The following SCTR variants were observed in gnomAD, a reference collection of about 807,000 sequenced individuals.
SCTR encodes pancreatic secretin receptor.
SCTR carries 56 observed loss-of-function variants against 60.8 expected under a neutral mutation model. The ratio of observed to expected loss-of-function variants is 0.92; its 90% CI spans 0.74 to 1.15. The LOEUF is 1.15. Ranked by LOEUF, SCTR falls within the 50% of genes most tolerant of loss-of-function variation. The pLI is 0.00. For synonymous variants in SCTR, 202 were observed against 217.0 expected, an observed-to-expected ratio of 0.93 and a Z score of 0.61; for missense variants, 562 against 550.4, an observed-to-expected ratio of 1.02 and a Z score of -0.21.
intron 1 of SCTR, among the ~76,000 whole-genome samples, chr2:119,501,139 C>T (rs1031273614): frequency 2.0e-5 from 3 of 152,114 alleles, no homozygotes; most frequent in Non-Finnish European, 2.9e-5. Context: ...GGCCAGGCAT[C>T]GTGGCTCATG....
intron 9 of SCTR, 152 bp from the exon 10 acceptor site, chr2:119,448,932 C>G: frequency 1.6e-6 from 1 of 612,122 alleles, no homozygotes; most frequent in Admixed American, 2.6e-5. Flanking sequence ...TCCATCCCCT[C>G]CCCACCCCCA....
chr2:119,441,647 C>T lies in SCTR; in HGVS notation c.1141-48G>A, dbSNP rs562567738. ...AGGGTTAGCACAGGTGCTCAGCATG[C>T]GGCCTGAACCAGCTGGCCAGCTGCA... is the stretch of plus-strand genomic sequence containing the variant. On this transcript the variant is annotated intron_variant, in intron 11 of 12. Transcript: ENST00000019103. 4.5e-4 allele frequency: 700 copies of T among 1,562,474 alleles called. 11 individuals are homozygous for T. The South Asian group carries it at 7.6e-3, about 17-fold the overall frequency.
chr2:119,491,302 G>A (rs1252066654), intron 2 of SCTR, among the ~76,000 whole-genome samples: 1 of 152,150 alleles, frequency 6.6e-6, no homozygotes, highest in Admixed American at 6.5e-5. Flanking sequence ...AAGGGATGAT[G>A]AGCCCCTGTG....
intron 1 of SCTR, among the ~76,000 whole-genome samples, chr2:119,502,904 C>T (rs368680758): frequency 2.8e-4 from 43 of 151,244 alleles, no homozygotes; most frequent in Middle Eastern, 3.2e-3. Context: ...GCACTTTCAG[C>T]ACTTTGAGAG....
chr2:119,499,456 A>C (rs989151456), intron 1 of SCTR, among the ~76,000 whole-genome samples: 4 of 152,108 alleles, frequency 2.6e-5, no homozygotes, highest in African/African-American at 9.6e-5. Context: ...CAAGCAGATC[A>C]TGTTGTGGGC....
intron 1 of SCTR, among the ~76,000 whole-genome samples, chr2:119,495,809 G>A (rs1426024908): frequency 6.6e-6 from 1 of 152,138 alleles, no homozygotes; most frequent in Non-Finnish European, 1.5e-5. Flanking sequence ...CACCTCCCCT[G>A]GCCCAGAGCT....
At chr2:119,472,110 C>T (rs1283482307) in intron 4 of SCTR, among the ~76,000 whole-genome samples, 1 of 152,218 alleles carries the variant, frequency 6.6e-6, no homozygotes, top group Non-Finnish European at 1.5e-5. Context: ...ACAGCAGGTG[C>T]TCAGTGAGTG....
chr2:119,510,925 T>C (rs1678907971), intron 1 of SCTR, among the ~76,000 whole-genome samples: 1 of 152,072 alleles, frequency 6.6e-6, no homozygotes, highest in South Asian at 2.1e-4. Context: ...TGGCTGGGCA[T>C]GGTGGCTCAC....
intron 4 of SCTR, among the ~76,000 whole-genome samples, chr2:119,472,881 C>A (rs895121427): frequency 6.6e-6 from 1 of 152,208 alleles, no homozygotes; most frequent in Non-Finnish European, 1.5e-5. Flanking sequence ...CCACCTCATC[C>A]TCCCAAAGTG....
At chr2:119,473,887 C>T (rs1677143468) in intron 3 of SCTR, among the ~76,000 whole-genome samples, 2 of 152,142 alleles carry the variant, frequency 1.3e-5, no homozygotes, top group African/African-American at 4.8e-5. Flanking sequence ...CTGCCCAGTA[C>T]CTGGCCACTC....
chr2:119,441,046 A>T (rs1050960769), intron 12 of SCTR, among the ~76,000 whole-genome samples: 7 of 152,206 alleles, frequency 4.6e-5, no homozygotes, highest in African/African-American at 1.7e-4. Flanking sequence ...CGAGTCCTCA[A>T]AGTGAGTGTG....
intron 9 of SCTR, among the ~76,000 whole-genome samples, chr2:119,450,072 G>A (rs1235862262): frequency 7.4e-6 from 1 of 135,356 alleles, no homozygotes; most frequent in African/African-American, 3.4e-5. Flanking sequence ...AAGAAAGAAA[G>A]AAAGAAAAAT....
At chr2:119,516,676 C>T (rs907835060) in intron 1 of SCTR, among the ~76,000 whole-genome samples, 5 of 152,040 alleles carry the variant, frequency 3.3e-5, no homozygotes, top group South Asian at 2.1e-4. Flanking sequence ...AATACTGTAT[C>T]GGGCCGGGTG....
intron 1 of SCTR, among the ~76,000 whole-genome samples, chr2:119,514,517 T>C (rs912299052): frequency 6.6e-6 from 1 of 152,070 alleles, no homozygotes; most frequent in African/African-American, 2.4e-5. Context: ...TATTTTGGAG[T>C]TTAATTTTGG....
Position 119,516,851 on chromosome 2 carries a change from C to T in SCTR, c.72+7304G>A, listed in dbSNP as rs547163068. ...GCGCATGCCTCTAATCCCAGCTACT[C>T]GGGAGGCTGAGGCGGGAGGATCACT... On this transcript the variant is annotated intron_variant, in intron 1 of 12. Transcript: ENST00000019103. 2.6e-5 allele frequency among the ~76,000 whole-genome samples: 4 copies of T among 152,124 alleles called. No homozygotes were observed. In the East Asian group the frequency reaches 5.8e-4, roughly 22 times the overall value.
intron 1 of SCTR, among the ~76,000 whole-genome samples, chr2:119,516,192 A>G (rs1679110249): frequency 6.6e-6 from 1 of 152,214 alleles, no homozygotes; most frequent in Non-Finnish European, 1.5e-5. Context: ...GAACTAACAT[A>G]TGATTCAGGA....
intron 1 of SCTR, among the ~76,000 whole-genome samples, chr2:119,510,371 G>A (rs1009659537): frequency 6.6e-6 from 1 of 152,164 alleles, no homozygotes; most frequent in Admixed American, 6.5e-5. Flanking sequence ...TCTGCTGAGA[G>A]GACTGAGTCC....
chr2:119,511,914 A>C (rs1187152087), intron 1 of SCTR, among the ~76,000 whole-genome samples: 1 of 152,210 alleles, frequency 6.6e-6, no homozygotes. Flanking sequence ...TTCCTTCCAA[A>C]TTTTGAAGGC....
At chr2:119,457,344 T>C (rs569120365) in intron 7 of SCTR, among the ~76,000 whole-genome samples, 1 of 152,252 alleles carries the variant, frequency 6.6e-6, no homozygotes, top group South Asian at 2.1e-4. Flanking sequence ...GATATAATAA[T>C]GTATACACTG....
Sources: allele counts gnomAD v4.1 joint callset (sites outside exome capture counted in the v4.1 genomes callset), GRCh38; gene constraint gnomAD v4.1.1; transcripts MANE v1.5; gene names NCBI Gene and HGNC (gene_info 2026-07-23, HGNC 2026-07-21).